The following TMEM132C variants were observed in gnomAD, a reference collection of about 807,000 sequenced individuals.
TMEM132C encodes the protein transmembrane protein 132C.
TMEM132C carries 29 observed loss-of-function variants against 61.4 expected under a neutral mutation model. That is an observed-to-expected ratio of 0.47 (90% CI 0.35 to 0.64). The LOEUF (loss-of-function observed/expected upper bound fraction) is 0.64. Among genes scored for constraint, TMEM132C ranks in the 30% least tolerant of loss-of-function variants. The pLI is 0.00. For missense variants in TMEM132C, 1,408 were observed against 1,476.9 expected, an observed-to-expected ratio of 0.95 and a Z score of 0.76; for synonymous variants, 656 against 633.1, an observed-to-expected ratio of 1.04 and a Z score of -0.54.
chr12:128,591,029 T>G (rs550416383), intron 3 of TMEM132C, among the ~76,000 whole-genome samples: 6 of 152,290 alleles, frequency 3.9e-5, no homozygotes, highest in African/African-American at 1.2e-4. Flanking sequence ...GTGATCCTCC[T>G]GCCTCAGCCT....
chr12:128,321,261 T>A (rs903876084), intron 1 of TMEM132C, among the ~76,000 whole-genome samples: 3 of 151,884 alleles, frequency 2.0e-5, no homozygotes, highest in Non-Finnish European at 4.4e-5. Context: ...GGGGAAATGG[T>A]TAAACAAACC....
intron 2 of TMEM132C, among the ~76,000 whole-genome samples, chr12:128,471,498 G>T (rs1350826640): frequency 6.6e-6 from 1 of 152,140 alleles, no homozygotes; most frequent in Admixed American, 6.5e-5. Context: ...CTGGCCCTAG[G>T]CATAGCTCTG....
At chr12:128,401,039 C>T (rs1016144685) in intron 1 of TMEM132C, among the ~76,000 whole-genome samples, 4 of 152,192 alleles carry the variant, frequency 2.6e-5, no homozygotes, top group African/African-American at 2.4e-5. Flanking sequence ...TGGGAATGAG[C>T]TTGGAATTGC....
chr12:128,664,768 C>G (rs1215605572), intron 4 of TMEM132C, among the ~76,000 whole-genome samples: 1 of 152,162 alleles, frequency 6.6e-6, no homozygotes, highest in Non-Finnish European at 1.5e-5. Context: ...CCACCGCCAG[C>G]CAGCCATGCA....
rs538700115 is a variant in TMEM132C, at chr12:128,613,208, G to T, written c.1122-2944G>T. ...TGAGTAGAGTCAGTCAAGTAGCCATGCAGCTCCTGGACAGCACCAGTACTG... is the reference window on the plus strand; with the variant it reads ...TGAGTAGAGTCAGTCAAGTAGCCATTCAGCTCCTGGACAGCACCAGTACTG... On this transcript the variant is annotated intron_variant, in intron 3 of 8. Transcript: ENST00000435159. Among the ~76,000 whole-genome samples, 961 of 152,346 alleles carry T rather than the reference G, an allele frequency of 6.3e-3. 13 individuals carry two copies. The highest frequency in any genetic ancestry group is 0.022 in the African/African-American group (912 of 41,582).
intron 3 of TMEM132C, among the ~76,000 whole-genome samples, chr12:128,549,913 AAT>A (rs2136154258): frequency 6.6e-6 from 1 of 152,250 alleles, no homozygotes; most frequent in Admixed American, 6.5e-5. Flanking sequence ...CTGGAGGTGG[AAT>A]TCAAACCTGG....
At chr12:128,552,965 G>A (rs1301647307) in intron 3 of TMEM132C, among the ~76,000 whole-genome samples, 2 of 152,162 alleles carry the variant, frequency 1.3e-5, no homozygotes, top group African/African-American at 4.8e-5. Context: ...GCTAGCTAAT[G>A]TTAATAGCAA....
rs564412937 is a variant in TMEM132C, at chr12:128,653,909, G to A, written c.1306-15508G>A. On this transcript the variant is annotated intron_variant, in intron 4 of 8. Coordinates refer to ENST00000435159, the MANE Select transcript of TMEM132C (RefSeq NM_001136103.3). Reference sequence around the variant, plus strand: ...GGGCTTGGCTGTCCGGAGGCCAGAAGGGCGGGAATCCAAGCCCTCTGTGCC... The same window carrying A: ...GGGCTTGGCTGTCCGGAGGCCAGAAAGGCGGGAATCCAAGCCCTCTGTGCC... Among the ~76,000 whole-genome samples the A allele has an allele frequency of 9.1e-4, 138 of 152,328 alleles. No homozygotes were observed. In the Middle Eastern group the frequency reaches 0.017, roughly 19 times the overall value.
At chr12:128,487,989 T>A (rs1871562878) in intron 2 of TMEM132C, among the ~76,000 whole-genome samples, 1 of 152,242 alleles carries the variant, frequency 6.6e-6, no homozygotes, top group African/African-American at 2.4e-5. Flanking sequence ...AGGTGGCCAC[T>A]GACCACACAC....
At chr12:128,647,993 G>T (rs1201773270) in intron 4 of TMEM132C, among the ~76,000 whole-genome samples, 1 of 149,104 alleles carries the variant, frequency 6.7e-6, no homozygotes. Context: ...CAGTCCATCA[G>T]CGTTGGATGA....
chr12:128,641,285 A>T (rs1034437154), intron 4 of TMEM132C, among the ~76,000 whole-genome samples: 8 of 152,144 alleles, frequency 5.3e-5, no homozygotes, highest in Non-Finnish European at 7.4e-5. Context: ...AACTGCAGAC[A>T]TGTCCCCCCA....
chr12:128,571,820 A>G (rs1469021750), intron 3 of TMEM132C, among the ~76,000 whole-genome samples: 2 of 152,140 alleles, frequency 1.3e-5, no homozygotes, highest in South Asian at 4.2e-4. Flanking sequence ...CAGTAGGTAT[A>G]TTTTCTGTGC....
rs151095144 is a variant in TMEM132C, at chr12:128,595,424, G to A, written c.1122-20728G>A. Among the ~76,000 whole-genome samples, 7 of 152,322 alleles carry A rather than the reference G, an allele frequency of 4.6e-5. No homozygotes were observed. The East Asian group carries it at 1.4e-3, about 29-fold the overall frequency. ...GTCCAGGGTGTTAAGGCACAGCAGG[G>A]AGATCATCTGGCCATCTTACCATAC... is the stretch of plus-strand genomic sequence containing the variant. On this transcript the variant is annotated intron_variant, in intron 3 of 8. Coordinates refer to ENST00000435159, the MANE Select transcript of TMEM132C (RefSeq NM_001136103.3).
chr12:128,298,819 G>A (rs563594806), intron 1 of TMEM132C, among the ~76,000 whole-genome samples: 4 of 152,348 alleles, frequency 2.6e-5, no homozygotes, highest in South Asian at 4.1e-4. Context: ...GACCAAGGTC[G>A]CTGGTAGAGC....
intron 3 of TMEM132C, among the ~76,000 whole-genome samples, chr12:128,561,711 G>A (rs1045517349): frequency 6.6e-6 from 1 of 152,224 alleles, no homozygotes; most frequent in Admixed American, 6.5e-5. Flanking sequence ...ACATAAAGAA[G>A]TGTATGACTT....
chr12:128,523,062 A>C (rs903489665), intron 2 of TMEM132C, among the ~76,000 whole-genome samples: 1 of 152,196 alleles, frequency 6.6e-6, no homozygotes, highest in African/African-American at 2.4e-5. Flanking sequence ...ATACAATGGA[A>C]TATTATTCAG....
chr12:128,387,168 A>G (rs913427842), intron 1 of TMEM132C, among the ~76,000 whole-genome samples: 3 of 150,642 alleles, frequency 2.0e-5, no homozygotes, highest in Non-Finnish European at 3.0e-5. Context: ...AAAAGAAACT[A>G]AAAACTGGGA....
At chr12:128,350,415 G>A (rs1873303753) in intron 1 of TMEM132C, among the ~76,000 whole-genome samples, 2 of 152,284 alleles carry the variant, frequency 1.3e-5, no homozygotes, top group South Asian at 4.1e-4. Flanking sequence ...TTAGATGGGT[G>A]AAAGAGAAGG....
At chr12:128,583,273 C>T (rs774186715) in intron 3 of TMEM132C, among the ~76,000 whole-genome samples, 5 of 145,372 alleles carry the variant, frequency 3.4e-5, no homozygotes, top group Admixed American at 1.4e-4. Context: ...GTGCCAACAT[C>T]GTACACTATA....
Sources: gnomAD v4.1 joint callset for allele counts (sites outside exome capture counted in the v4.1 genomes callset) on GRCh38, gnomAD v4.1.1 for gene constraint, MANE v1.5 for transcripts, NCBI Gene and HGNC (gene_info 2026-07-23, HGNC 2026-07-21) for gene names.